Variants in TSPO observed in about 807,000 individuals in gnomAD.
TSPO encodes the protein benzodiazepine peripheral binding site.
A neutral mutation model predicts 13.9 loss-of-function variants in TSPO; 14 were observed. The ratio of observed to expected loss-of-function variants is 1.01; its 90% CI spans 0.67 to 1.58. The LOEUF is 1.58. Ranked by LOEUF, TSPO falls within the 40% of genes most tolerant of loss-of-function variation. TSPO has a pLI of 0.00. For missense variants in TSPO, 232 were observed against 229.6 expected (o/e 1.01, Z -0.07); for synonymous variants, 114 against 105.9 (o/e 1.08, Z -0.47).
At position 43,162,835 on chromosome 22, in the gene TSPO, G is replaced by T. The variant is rs755909339; in HGVS notation, c.354G>T (p.Ala118=). Residue 118 remains alanine, a synonymous_variant, in exon 4 of 4, where the codon GCG becomes GCT. Coordinates refer to ENST00000337554, the MANE Select transcript of TSPO (RefSeq NM_000714.6). The stretch of plus-strand genomic sequence containing the variant: ...TGGATCTCCTGCTGGTCAGTGGGGC[G>T]GCGGCAGCCACTACCGTGGCCTGGT... ...ALVDLLLVSG[A]AAATTVAWYQ... is the part of the protein sequence containing the mutation. 2 of 1,584,980 alleles carry T rather than the reference G, an allele frequency of 1.3e-6. No individual in the cohort carries two copies. Among genetic ancestry groups the T allele is most frequent in the South Asian group, 2.3e-5 (2 of 87,316 alleles).
In TSPO at chr22:43,163,221, AT is replaced by A. The variant is rs1931514664; in HGVS notation, c.*231del. ...TGGAACATGGAATTTTATAAGCTGA[AT>A]AAAGTTTTTGACTTCCTTTACCATG... On this transcript the variant is annotated 3_prime_UTR_variant, in exon 4 of 4. Coordinates refer to ENST00000337554, the MANE Select transcript of TSPO (RefSeq NM_000714.6). The A allele has an allele frequency of 7.4e-7, 1 of 1,352,818 alleles. No individual in the cohort carries two copies. Among genetic ancestry groups the A allele is most frequent in the Non-Finnish European group, 9.7e-7 (1 of 1,029,984 alleles). The allele number at this position is 1,352,818 out of a possible 1,614,324, so 83.8% of individuals were successfully genotyped here.
At chr22:43,159,892 T>C (rs2147056816) in intron 2 of TSPO, among the ~76,000 whole-genome samples, 1 of 152,266 alleles carries the variant, frequency 6.6e-6, no homozygotes, top group African/African-American at 2.4e-5. Context: ...CAGTCTGGCC[T>C]GAGTCCCCTG....
intron 3 of TSPO, among the ~76,000 whole-genome samples, chr22:43,161,812 T>C (rs968701646): frequency 6.6e-6 from 1 of 152,112 alleles, no homozygotes; most frequent in Admixed American, 6.6e-5. Context: ...GACTGCTTCT[T>C]TTTTAAAGTT....
chr22:43,157,507 C>T (rs1161096250), intron 1 of TSPO, among the ~76,000 whole-genome samples: 1 of 152,110 alleles, frequency 6.6e-6, no homozygotes, highest in Admixed American at 6.5e-5. Context: ...GTGGCAGCAC[C>T]GGAATCTGCT....
chr22:43,154,302 G>A (rs1307001970), intron 1 of TSPO, among the ~76,000 whole-genome samples: 2 of 152,088 alleles, frequency 1.3e-5, no homozygotes, highest in Admixed American at 6.6e-5. Context: ...GATCAGAGAA[G>A]GGACACATTC....
chr22:43,153,891 C>G (rs2147050085), intron 1 of TSPO, among the ~76,000 whole-genome samples: 1 of 152,172 alleles, frequency 6.6e-6, no homozygotes, highest in Non-Finnish European at 1.5e-5. Context: ...TGAAGTGATT[C>G]TCCTGCCTCA....
chr22:43,153,236 C>G (rs528297617), intron 1 of TSPO, among the ~76,000 whole-genome samples: 1 of 151,782 alleles, frequency 6.6e-6, no homozygotes, highest in African/African-American at 2.4e-5. Context: ...TCACTGCAGT[C>G]TCCTGCAGAA....
intron 1 of TSPO, chr22:43,151,814 C>G (rs1270769061): frequency 6.6e-6 from 1 of 152,234 alleles, no homozygotes; most frequent in Non-Finnish European, 1.5e-5. Flanking sequence ...GGGGTTCCAG[C>G]GCGGGCCGCC....
chr22:43,159,065 A>C, intron 1 of TSPO, 145 bp from the exon 2 acceptor site: 1 of 599,166 alleles, frequency 1.7e-6, no homozygotes, highest in Non-Finnish European at 2.6e-6. Context: ...TCACTCAGCC[A>C]CTCCCACCCC....
At chr22:43,157,294 G>A (rs1931281765) in intron 1 of TSPO, among the ~76,000 whole-genome samples, 2 of 135,998 alleles carry the variant, frequency 1.5e-5, no homozygotes, top group South Asian at 2.1e-4. Context: ...AGGGCGGGGC[G>A]GGGCAGGAGG....
At chr22:43,158,949 T>A (rs1931340616) in intron 1 of TSPO, among the ~76,000 whole-genome samples, 3 of 151,804 alleles carry the variant, frequency 2.0e-5, no homozygotes, top group Admixed American at 2.0e-4. Context: ...GGACCCAAAC[T>A]GGCCTTGGAA....
At chr22:43,162,112 A>G (rs1247889594) in intron 3 of TSPO, among the ~76,000 whole-genome samples, 1 of 138,378 alleles carries the variant, frequency 7.2e-6, no homozygotes, top group African/African-American at 2.8e-5. Context: ...CACCATGTCC[A>G]GCTAATTTTC....
chr22:43,153,020 T>TCCTC (rs1931126300), intron 1 of TSPO, among the ~76,000 whole-genome samples: 2 of 152,016 alleles, frequency 1.3e-5, no homozygotes, highest in East Asian at 1.9e-4. Flanking sequence ...CGTCCTTCCT[T>TCCTC]CCTCCCTCCC....
Position 43,162,947 on chromosome 22 carries a change from C to A in TSPO, c.466C>A (p.Arg156=). The A allele has an allele frequency of 3.8e-6, 6 of 1,597,362 alleles. No individual in the cohort carries two copies. Among genetic ancestry groups the A allele is most frequent in the Non-Finnish European group, 5.1e-6 (6 of 1,172,512 alleles). The change falls in exon 4 of 4, where the codon CGG becomes AGG. Residue 156 remains arginine (R), a synonymous_variant. Coordinates refer to ENST00000337554, the MANE Select transcript of TSPO (RefSeq NM_000714.6). The part of the protein sequence containing the change: ...FTTTLNYCVW[R]DNHGWRGGRR... Reference sequence around the variant, plus strand: ...GACCACACTCAACTACTGCGTATGGCGGGACAACCATGGCTGGCGTGGGGG... The same window carrying A: ...GACCACACTCAACTACTGCGTATGGAGGGACAACCATGGCTGGCGTGGGGG...
In TSPO at chr22:43,159,235, A is replaced by C; in HGVS notation, c.-4A>C. 2 of 1,540,854 alleles carry C rather than the reference A, an allele frequency of 1.3e-6. No homozygotes were observed. Among genetic ancestry groups the C allele is most frequent in the Non-Finnish European group, 8.8e-7 (1 of 1,142,444 alleles). ...AGCTCCCCTGAACAGCAGCTGCAGC[A>C]GCCATGGCCCCGCCCTGGGTGCCCG... is the stretch of plus-strand genomic sequence containing the variant. On this transcript the variant is annotated 5_prime_UTR_variant, in exon 2 of 4. Coordinates refer to ENST00000337554, the MANE Select transcript of TSPO (RefSeq NM_000714.6).
Position 43,162,682 on chromosome 22 carries a change from T to C in TSPO, c.322-121T>C, listed in dbSNP as rs1931480650. The C allele has an allele frequency of 4.0e-6, 4 of 998,282 alleles. No homozygotes were observed. The East Asian group carries it at 1.1e-4, about 27-fold the overall frequency. The allele number at this position is 998,282 out of a possible 1,614,324, so 61.8% of individuals were successfully genotyped here. A position where few individuals can be genotyped will look rare whatever the true frequency, so the allele number is the denominator to read the frequency against. On this transcript the variant is annotated intron_variant, in intron 3 of 3. Coordinates refer to ENST00000337554, the MANE Select transcript of TSPO (RefSeq NM_000714.6). ...GGGGCTTGGCCAGGTCACTCAAGGG[T>C]GGAGTGGGGGTGAGTGAGGCTCCTG... is the stretch of plus-strand genomic sequence containing the variant.
intron 3 of TSPO, 99 bp from the exon 4 acceptor site, chr22:43,162,704 C>T (rs953974165): frequency 7.9e-7 from 1 of 1,269,668 alleles, no homozygotes; most frequent in Non-Finnish European, 1.1e-6. Flanking sequence ...GAGTGAGGCT[C>T]CTGACTCCCA....
intron 1 of TSPO, among the ~76,000 whole-genome samples, chr22:43,156,178 C>T (rs1476906007): frequency 1.3e-5 from 2 of 152,154 alleles, no homozygotes; most frequent in African/African-American, 4.8e-5. Context: ...TCAGAACTGG[C>T]TTCAGACCCT....
intron 3 of TSPO, among the ~76,000 whole-genome samples, chr22:43,161,639 C>CA: frequency 6.6e-6 from 1 of 151,662 alleles, no homozygotes; most frequent in East Asian, 1.9e-4. Context: ...AGGTGTGCAC[C>CA]ACCACTCCTG....
Sources: gnomAD v4.1 joint callset for allele counts (sites outside exome capture counted in the v4.1 genomes callset) on GRCh38, gnomAD v4.1.1 for gene constraint, MANE v1.5 for transcripts, NCBI Gene and HGNC (gene_info 2026-07-23, HGNC 2026-07-21) for gene names.